IL26: variants seen among roughly 807,000 people sequenced by gnomAD.
The protein encoded by IL26 is interleukin 26.
In IL26, 23 loss-of-function variants were observed where a neutral mutation model predicts 21.7. The ratio of observed to expected loss-of-function variants is 1.06; its 90% CI spans 0.76 to 1.50. The LOEUF is 1.50. Ranked by LOEUF, IL26 falls within the 40% of genes most tolerant of loss-of-function variation. The pLI is 0.00. For missense variants in IL26, 204 were observed against 196.0 expected, an observed-to-expected ratio of 1.04 and a Z score of -0.24; for synonymous variants, 63 against 67.8, an observed-to-expected ratio of 0.93 and a Z score of 0.34.
chr12:68,225,626 G>C lies in IL26; in HGVS notation c.131C>G (p.Ala44Gly), dbSNP rs202003333. The C allele has an allele frequency of 9.3e-6, 15 of 1,614,048 alleles. No homozygotes were observed. The East Asian group carries it at 3.3e-4, about 36-fold the overall frequency. Residue 44 changes from alanine to glycine, a missense_variant, in exon 1 of 5, where the codon GCT becomes GGT. By Grantham distance (60) the Ala-to-Gly change is moderately conservative. Transcript: ENST00000229134. ...PRGTLSQAVD[A>G]LYIKAAWLKA... ...GAGCCATGCTGCTTTGATATAGAGA[G>C]CGTCAACAGCTTGGGACAATGTTCC... is the stretch of plus-strand genomic sequence containing the variant.
intron 3 of IL26, among the ~76,000 whole-genome samples, chr12:68,202,372 T>C (rs1241701663): frequency 6.6e-6 from 1 of 152,146 alleles, no homozygotes; most frequent in Non-Finnish European, 1.5e-5. Flanking sequence ...TTCAACTGGG[T>C]GGTCAAGGAG....
Position 68,202,101 on chromosome 12 carries a change from A to C in IL26, c.364-18T>G, listed in dbSNP as rs202076802. The C allele has an allele frequency of 1.4e-6, 2 of 1,465,568 alleles. No homozygotes were observed. The highest frequency in any genetic ancestry group is 4.6e-5 in the East Asian group (2 of 43,434). 90.8% of individuals were successfully genotyped at this position (1,465,568 alleles called of 1,614,324 possible). A position where few individuals can be genotyped will look rare whatever the true frequency, so the allele number is the denominator to read the frequency against. Reference sequence around the variant, plus strand: ...CAGGAAATCTAAGAAATCAACAGTAATTACAGATAATATTGTTGAAGAGGC... The same window carrying C: ...CAGGAAATCTAAGAAATCAACAGTACTTACAGATAATATTGTTGAAGAGGC... On this transcript the variant is annotated intron_variant, in intron 3 of 4. Coordinates refer to ENST00000229134, the MANE Select transcript of IL26 (RefSeq NM_018402.2).
intron 3 of IL26, among the ~76,000 whole-genome samples, chr12:68,224,105 T>C (rs1869154270): frequency 6.6e-6 from 1 of 150,756 alleles, no homozygotes; most frequent in Non-Finnish European, 1.5e-5. Context: ...GAAGAGCTCC[T>C]TTCCAACTGG....
At chr12:68,217,433 G>A (rs972117229) in intron 3 of IL26, among the ~76,000 whole-genome samples, 2 of 152,092 alleles carry the variant, frequency 1.3e-5, no homozygotes, top group Non-Finnish European at 2.9e-5. Context: ...GTCATTATGG[G>A]AGAAAATCAG....
chr12:68,217,177 A>C (rs1244168573), intron 3 of IL26, among the ~76,000 whole-genome samples: 2 of 152,244 alleles, frequency 1.3e-5, no homozygotes, highest in African/African-American at 4.8e-5. Context: ...CAAAATGCTT[A>C]GAATGTCACC....
At position 68,201,534 on chromosome 12, in the gene IL26, T is replaced by A; in HGVS notation, c.*311A>T. On this transcript the variant is annotated 3_prime_UTR_variant, in exon 5 of 5. Transcript: ENST00000229134. ...TCCCCCTCCACCCCCCACATCCCAC[T>A]CCACACACAAATATTACACGAGTTA... The A allele has an allele frequency of 9.3e-6, 2 of 215,804 alleles. No individual in the cohort carries two copies. The highest frequency in any genetic ancestry group is 9.2e-6 in the Non-Finnish European group (1 of 109,004). 13.4% of individuals were successfully genotyped at this position (215,804 alleles called of 1,614,324 possible).
chr12:68,203,766 A>G (rs1278023141), intron 3 of IL26, among the ~76,000 whole-genome samples: 1 of 152,178 alleles, frequency 6.6e-6, no homozygotes, highest in South Asian at 2.1e-4. Flanking sequence ...CCTTCAGATC[A>G]GACCCTGCAT....
intron 3 of IL26, among the ~76,000 whole-genome samples, chr12:68,206,805 C>T (rs1868556181): frequency 6.6e-6 from 1 of 152,230 alleles, no homozygotes; most frequent in African/African-American, 2.4e-5. Context: ...AGATACCCTT[C>T]CTTCCCAGTG....
At chr12:68,210,006 C>T (rs1014630552) in intron 3 of IL26, among the ~76,000 whole-genome samples, 12 of 151,888 alleles carry the variant, frequency 7.9e-5, no homozygotes, top group African/African-American at 2.4e-4. Context: ...TCATAACCAC[C>T]CTTCTTGTTG....
intron 3 of IL26, among the ~76,000 whole-genome samples, chr12:68,217,214 C>T (rs1286762478): frequency 1.3e-5 from 2 of 152,168 alleles, no homozygotes; most frequent in African/African-American, 4.8e-5. Flanking sequence ...TGTCCAAATA[C>T]AGTGGTACTG....
At chr12:68,207,498 A>T (rs986202356) in intron 3 of IL26, among the ~76,000 whole-genome samples, 1 of 152,218 alleles carries the variant, frequency 6.6e-6, no homozygotes, top group Non-Finnish European at 1.5e-5. Context: ...TATTCACAGC[A>T]CTTGAGCATA....
intron 3 of IL26, 94 bp downstream of exon 3, chr12:68,225,055 T>G: frequency 7.6e-7 from 1 of 1,318,680 alleles, no homozygotes; most frequent in Non-Finnish European, 1.0e-6. Context: ...CAAAGCTCGT[T>G]TTACTCACCC....
intron 3 of IL26, among the ~76,000 whole-genome samples, chr12:68,213,502 C>G (rs540797896): frequency 4.9e-4 from 75 of 152,088 alleles, no homozygotes; most frequent in African/African-American, 1.8e-3. Flanking sequence ...TCCATTATGT[C>G]CTGGGTTTAC....
In IL26 at chr12:68,204,141, A is replaced by ATTTTTTT. The variant is rs6144754; in HGVS notation, c.364-2065_364-2059dup. On this transcript the variant is annotated intron_variant, in intron 3 of 4. Coordinates refer to ENST00000229134, the MANE Select transcript of IL26 (RefSeq NM_018402.2). ...TAAAATCATGTGTTAGGATTCAAAG[A>ATTTTTTT]TTTTTTTTTTTTTTTTTTTTGAGGC... 7.9e-5 allele frequency among the ~76,000 whole-genome samples: 9 copies of ATTTTTTT among 113,216 alleles called. 1 individual carries two copies. Among genetic ancestry groups the ATTTTTTT allele is most frequent in the Non-Finnish European group, 1.1e-4 (6 of 56,834 alleles). The allele number at this position is 113,216 out of a possible 152,430, so 74.3% of individuals were successfully genotyped here. A position where few individuals can be genotyped will look rare whatever the true frequency, so the allele number is the denominator to read the frequency against.
chr12:68,211,702 TC>T (rs1202199682), intron 3 of IL26, among the ~76,000 whole-genome samples: 1 of 152,156 alleles, frequency 6.6e-6, no homozygotes, highest in African/African-American at 2.4e-5. Flanking sequence ...TCTATTCAGA[TC>T]TTTTTCCCAT....
chr12:68,219,713 T>C (rs1197493260), intron 3 of IL26, among the ~76,000 whole-genome samples: 1 of 151,508 alleles, frequency 6.6e-6, no homozygotes, highest in Non-Finnish European at 1.5e-5. Context: ...TGAATAATAA[T>C]GTTCAGAATA....
Position 68,213,479 on chromosome 12 carries a change from A to C in IL26, c.364-11396T>G, listed in dbSNP as rs573010850. Among the ~76,000 whole-genome samples the C allele has an allele frequency of 4.0e-4, 61 of 152,098 alleles. 1 individual carries two copies. The South Asian group carries it at 0.013, about 32-fold the overall frequency. On this transcript the variant is annotated intron_variant, in intron 3 of 4. Coordinates refer to ENST00000229134, the MANE Select transcript of IL26 (RefSeq NM_018402.2). Reference sequence around the variant, plus strand: ...AATTCTTTTTAAAATGTTTGGTAGAACTCAGCACTGAATCCATTATGTCCT... The same window carrying C: ...AATTCTTTTTAAAATGTTTGGTAGACCTCAGCACTGAATCCATTATGTCCT...
At chr12:68,205,464 A>G (rs528167760) in intron 3 of IL26, among the ~76,000 whole-genome samples, 1 of 152,326 alleles carries the variant, frequency 6.6e-6, no homozygotes, top group South Asian at 2.1e-4. Context: ...TGTAGAAAAG[A>G]CAATGTAACT....
intron 3 of IL26, among the ~76,000 whole-genome samples, chr12:68,223,361 G>A (rs981499551): frequency 8.5e-5 from 13 of 152,096 alleles, no homozygotes; most frequent in African/African-American, 3.1e-4. Context: ...CAACCAGAGC[G>A]GCGCCACACT....
Sources: allele counts gnomAD v4.1 joint callset (sites outside exome capture counted in the v4.1 genomes callset), GRCh38; gene constraint gnomAD v4.1.1; transcripts MANE v1.5; gene names NCBI Gene and HGNC (gene_info 2026-07-23, HGNC 2026-07-21).